The following NTAQ1 variants were observed in gnomAD, a reference collection of about 807,000 sequenced individuals.
NTAQ1 encodes N-terminal glutamine amidase 1.
In NTAQ1, 21 loss-of-function variants were observed where a neutral mutation model predicts 28.2. That is an observed-to-expected ratio of 0.74 (90% CI 0.53 to 1.07). The LOEUF is 1.07. NTAQ1 is among the 50% of genes least tolerant of loss of function. The pLI is 0.00. For missense variants in NTAQ1, 264 were observed against 256.6 expected (o/e 1.03, Z -0.20); for synonymous variants, 105 against 90.0 (o/e 1.17, Z -0.94).
chr8:123,420,814 G>A (rs909825604), intron 1 of NTAQ1, among the ~76,000 whole-genome samples: 7 of 150,566 alleles, frequency 4.6e-5, no homozygotes, highest in African/African-American at 9.9e-5. Flanking sequence ...TATTTAAGAC[G>A]GATTCTTACT....
chr8:123,422,812 T>C lies in NTAQ1; in HGVS notation c.84-5112T>C, dbSNP rs189904422. Among the ~76,000 whole-genome samples the C allele has an allele frequency of 2.8e-3, 428 of 152,258 alleles. 1 individual carries two copies. Among genetic ancestry groups the C allele is most frequent in the Non-Finnish European group, 4.4e-3 (299 of 68,032 alleles). On this transcript the variant is annotated intron_variant, in intron 1 of 5. Transcript: ENST00000287387. The stretch of plus-strand genomic sequence containing the variant: ...AAGTCTTTAATCCATCTTGAGTTGA[T>C]TTTTGTATATGGTGAAAGGGAGGGG...
downstream of NTAQ1, among the ~76,000 whole-genome samples, chr8:123,449,974 T>TATATATATATATATATATATATATAA (rs371673968): frequency 7.1e-5 from 4 of 56,106 alleles, 1 homozygote; most frequent in Middle Eastern, 0.017. Flanking sequence ...TATATATATA[T>TATATATATATATATATATATATATAA]GCTGGATAAA....
chr8:123,467,591 TA>T (rs1196795917), exon 7 of NTAQ1, among the ~76,000 whole-genome samples: 1 of 152,200 alleles, frequency 6.6e-6, no homozygotes, highest in Non-Finnish European at 1.5e-5. Context: ...TCTGATTTCA[TA>T]AATTAATTAC....
At chr8:123,439,635 C>T (rs143759976) in intron 5 of NTAQ1, among the ~76,000 whole-genome samples, 1,670 of 151,860 alleles carry the variant, frequency 0.011, 33 homozygotes, top group African/African-American at 0.038. Context: ...CGTGAGCCAC[C>T]GCGCCGGCCA....
intron 1 of NTAQ1, among the ~76,000 whole-genome samples, chr8:123,424,146 C>G (rs1290805817): frequency 3.5e-5 from 5 of 142,358 alleles, no homozygotes; most frequent in Non-Finnish European, 7.5e-5. Flanking sequence ...GATCTTGGCT[C>G]ACTGCAACCT....
intron 1 of NTAQ1, among the ~76,000 whole-genome samples, chr8:123,421,036 C>T (rs962604420): frequency 6.7e-6 from 1 of 150,340 alleles, no homozygotes; most frequent in Admixed American, 6.7e-5. Flanking sequence ...CTGCCTGCCT[C>T]GGCCTCCCAA....
chr8:123,422,035 T>C (rs1330238232), intron 1 of NTAQ1, among the ~76,000 whole-genome samples: 1 of 152,030 alleles, frequency 6.6e-6, no homozygotes, highest in Admixed American at 6.6e-5. Context: ...AGGCTGGTCT[T>C]GAACTCCTGA....
chr8:123,446,141 G>A (rs914199164), downstream of NTAQ1, among the ~76,000 whole-genome samples: 6 of 151,708 alleles, frequency 4.0e-5, no homozygotes, highest in Non-Finnish European at 8.8e-5. Flanking sequence ...TTACAGGTGC[G>A]CTACCACACC....
At chr8:123,450,173 G>A (rs1410852288), downstream of NTAQ1, among the ~76,000 whole-genome samples, 1 of 150,848 alleles carries the variant, frequency 6.6e-6, no homozygotes, top group African/African-American at 2.4e-5. Flanking sequence ...AAGACAGATG[G>A]AATGGTCATG....
downstream of NTAQ1, among the ~76,000 whole-genome samples, chr8:123,446,572 T>G (rs1174656214): frequency 1.3e-5 from 2 of 152,224 alleles, no homozygotes; most frequent in Non-Finnish European, 2.9e-5. Context: ...CTCTTCTTTC[T>G]TGCCTTTTAA....
chr8:123,437,879 CT>C (rs1180343720), intron 5 of NTAQ1, among the ~76,000 whole-genome samples: 6 of 152,084 alleles, frequency 3.9e-5, no homozygotes, highest in Non-Finnish European at 5.9e-5. Flanking sequence ...ACCAGGGCAC[CT>C]GCAAACTGCT....
chr8:123,453,500 C>G (rs1483730817), intron 6 of NTAQ1, among the ~76,000 whole-genome samples: 3 of 151,872 alleles, frequency 2.0e-5, no homozygotes, highest in African/African-American at 7.2e-5. Context: ...ACGATCTCAG[C>G]TCACTGCAAC....
chr8:123,449,126 G>A (rs3824256), downstream of NTAQ1, among the ~76,000 whole-genome samples: 55,059 of 151,968 alleles, frequency 0.36, 10,087 homozygotes, highest in East Asian at 0.56. Context: ...GAGCCTTGGA[G>A]GTAGCTGCTG....
intron 6 of NTAQ1, among the ~76,000 whole-genome samples, chr8:123,462,563 G>T (rs990412992): frequency 2.0e-5 from 3 of 152,168 alleles, no homozygotes. Context: ...ATTCTAATTA[G>T]ACCATGTGCC....
downstream of NTAQ1, among the ~76,000 whole-genome samples, chr8:123,446,985 C>T (rs1275625872): frequency 2.0e-5 from 3 of 151,990 alleles, no homozygotes; most frequent in African/African-American, 7.2e-5. Context: ...AGCTGGGGGT[C>T]AGGGTTCTGT....
chr8:123,435,024 C>T (rs1435308828), intron 3 of NTAQ1, among the ~76,000 whole-genome samples: 1 of 152,104 alleles, frequency 6.6e-6, no homozygotes, highest in African/African-American at 2.4e-5. Context: ...ATACAGGGCT[C>T]AAGTAGAATG....
intron 6 of NTAQ1, among the ~76,000 whole-genome samples, chr8:123,463,325 TTTA>T (rs1464989678): frequency 6.6e-6 from 1 of 152,232 alleles, no homozygotes; most frequent in African/African-American, 2.4e-5. Flanking sequence ...CAAGATGTTC[TTTA>T]TTGCTTTTTT....
In NTAQ1 at chr8:123,441,356, T is replaced by C. The variant is rs1815058813; in HGVS notation, c.559T>C (p.Trp187Arg). The part of the protein sequence containing the change: ...DFISMDPKVG[W>R]GAVYTLSEFT... ...CATCAGTATGGATCCCAAGGTAGGA[T>C]GGGGCGCCGTCTACACACTATCCGA... is the stretch of plus-strand genomic sequence containing the variant. Residue 187 changes from tryptophan to arginine, a missense_variant, in exon 6 of 6, where the codon TGG (tryptophan) becomes CGG (arginine). Transcript: ENST00000287387. The C allele has an allele frequency of 1.2e-6, 2 of 1,612,572 alleles. No individual in the cohort carries two copies. The highest frequency in any genetic ancestry group is 2.2e-5 in the South Asian group (2 of 90,846).
At chr8:123,452,124 G>C (rs1815514804), downstream of NTAQ1, among the ~76,000 whole-genome samples, 1 of 152,190 alleles carries the variant, frequency 6.6e-6, no homozygotes, top group South Asian at 2.1e-4. Context: ...AAAGCACCAT[G>C]TCTAGTGTCT....
Sources: allele counts gnomAD v4.1 joint callset (sites outside exome capture counted in the v4.1 genomes callset), GRCh38; gene constraint gnomAD v4.1.1; transcripts MANE v1.5; gene names NCBI Gene and HGNC (gene_info 2026-07-23, HGNC 2026-07-21).